The following RET variants were observed in gnomAD, a reference collection of about 807,000 sequenced individuals.
RET encodes the protein proto-oncogene tyrosine-protein kinase receptor Ret.
A neutral mutation model predicts 118.3 loss-of-function variants in RET; 19 were observed. That is an observed-to-expected ratio of 0.16 (90% CI 0.11 to 0.24). The LOEUF is 0.24. Among genes scored for constraint, RET ranks in the 10% least tolerant of loss-of-function variants. RET has a pLI of 1.00. For missense variants in RET, 1,219 were observed against 1,502.1 expected (o/e 0.81, Z 3.12); for synonymous variants, 597 against 644.1 (o/e 0.93, Z 1.11).
In RET at chr10:43,112,209, C is replaced by A. The variant is rs890269439; in HGVS notation, c.1633C>A (p.Gln545Lys). The A allele has an allele frequency of 1.3e-6, 2 of 1,556,154 alleles. No homozygotes were observed. Among genetic ancestry groups the A allele is most frequent in the Non-Finnish European group, 1.7e-6 (2 of 1,149,312 alleles). ...CCCAACAGGCAGGTGTGAGTGGAGG[C>A]AAGGAGATGGCAAAGGTAAGCCCTG... is the stretch of plus-strand genomic sequence containing the variant. The part of the protein sequence containing the change: ...GSPTGRCEWR[Q>K]GDGKGITRNF... The change falls in exon 8 of 20, where the codon CAA becomes AAA. Residue 545 changes from glutamine (Q) to lysine (K), a missense_variant. Transcript: ENST00000355710.
Position 43,122,088 on chromosome 10 carries a change from G to A in RET, c.2801+72G>A, listed in dbSNP as rs3026773. The stretch of plus-strand genomic sequence containing the variant: ...CTTATACATGTAGTGGGGCCACGAC[G>A]CCCGTCTGTGCAGCTTGGCCAGGGA... On this transcript the variant is annotated intron_variant, in intron 16 of 19. Coordinates refer to ENST00000355710, the MANE Select transcript of RET (RefSeq NM_020975.6). The A allele has an allele frequency of 4.7e-3, 5,651 of 1,189,892 alleles. 69 individuals are homozygous for A. Among genetic ancestry groups the A allele is most frequent in the Non-Finnish European group, 3.7e-3 (2,970 of 793,852 alleles). The allele number at this position is 1,189,892 out of a possible 1,614,324, so 73.7% of individuals were successfully genotyped here.
rs114631059 is a variant in RET, at chr10:43,104,726, G to T, written c.626-226G>T. ...AGTGAGGACGCAGCTGCAGCAGGAC[G>T]TAAGCACAGTCATCGCTGCAAACTG... On this transcript the variant is annotated intron_variant, in intron 3 of 19. Transcript: ENST00000355710. 1,348 of 669,710 alleles carry T rather than the reference G, an allele frequency of 2.0e-3. 17 individuals carry two copies. The African/African-American group carries it at 0.022, about 11-fold the overall frequency. The allele number at this position is 669,710 out of a possible 1,614,324, so 41.5% of individuals were successfully genotyped here. A position where few individuals can be genotyped will look rare whatever the true frequency, so the allele number is the denominator to read the frequency against.
chr10:43,093,470 A>G (rs2506024), intron 1 of RET, among the ~76,000 whole-genome samples: 58,523 of 152,070 alleles, frequency 0.38, 11,581 homozygotes, highest in South Asian at 0.51. Context: ...GCAAAGGAGT[A>G]GAGAGAGCAA....
At chr10:43,109,360 G>A in intron 6 of RET, 130 bp downstream of exon 6, 1 of 936,508 alleles carries the variant, frequency 1.1e-6, no homozygotes, top group South Asian at 1.4e-5. Context: ...CTGAGCCCAG[G>A]GCCAGGAGGT....
intron 1 of RET, among the ~76,000 whole-genome samples, chr10:43,087,927 G>A (rs1837323892): frequency 6.6e-6 from 1 of 152,200 alleles, no homozygotes; most frequent in Non-Finnish European, 1.5e-5. Context: ...CATGGTGTTG[G>A]TGTTGGTGTT....
chr10:43,110,731 G>A (rs998110011), intron 6 of RET, among the ~76,000 whole-genome samples: 1 of 152,174 alleles, frequency 6.6e-6, no homozygotes, highest in African/African-American at 2.4e-5. Flanking sequence ...CTCTGACCAG[G>A]GGACACCAGG....
intron 4 of RET, among the ~76,000 whole-genome samples, 155 bp downstream of exon 4, chr10:43,105,348 G>T (rs1036946144): frequency 4.6e-5 from 7 of 152,122 alleles, no homozygotes; most frequent in Non-Finnish European, 1.0e-4. Flanking sequence ...TCTGTCCTAG[G>T]GGGAGGGGAA....
chr10:43,101,894 G>A (rs1289293598), intron 2 of RET, among the ~76,000 whole-genome samples: 4 of 152,238 alleles, frequency 2.6e-5, no homozygotes, highest in African/African-American at 4.8e-5. Context: ...GAAAGCCCTC[G>A]CAGCCCAGCT....
At chr10:43,099,070 CCA>C (rs1837579891) in intron 1 of RET, among the ~76,000 whole-genome samples, 1 of 152,170 alleles carries the variant, frequency 6.6e-6, no homozygotes, top group African/African-American at 2.4e-5. Context: ...GAAATGTTGG[CCA>C]CACACAGTCA....
intron 10 of RET, 28 bp downstream of exon 10, chr10:43,113,703 C>T (rs1176374342): frequency 1.9e-6 from 3 of 1,611,718 alleles, no homozygotes; most frequent in East Asian, 4.5e-5. Flanking sequence ...GGGACCACCA[C>T]CACCTCCCAG....
rs111271049 is a variant in RET at position 43,090,122 on chromosome 10, T to A, written c.74-10337T>A. Among the ~76,000 whole-genome samples, 78 of 152,298 alleles carry A rather than the reference T, an allele frequency of 5.1e-4. 1 individual carries two copies. Among genetic ancestry groups the A allele is most frequent in the Middle Eastern group, 3.4e-3 (1 of 294 alleles). Reference sequence around the variant, plus strand: ...GAAAGGGAAACTGGACATGTGTGAGTAGGCCCAGGCCTGGCAAATGGCTCA... The same window carrying A: ...GAAAGGGAAACTGGACATGTGTGAGAAGGCCCAGGCCTGGCAAATGGCTCA... On this transcript the variant is annotated intron_variant, in intron 1 of 19. Transcript: ENST00000355710.
rs2132856568 is a variant in RET, at chr10:43,114,762, G to C, written c.2136+26G>C. ...GTGAGGGTCCCTGCGGGGCAGGGAA[G>C]ATCCCCTGCCCTCCCCAGCTGCCTT... On this transcript the variant is annotated intron_variant, in intron 11 of 19. Transcript: ENST00000355710. This position sits in a 1 kb window ranked among gnomAD's most constrained non-coding sequence, Gnocchi z 4.6. 1 of 1,590,798 alleles carries C rather than the reference G, an allele frequency of 6.3e-7. No homozygotes were observed. The highest frequency in any genetic ancestry group is 1.1e-5 in the South Asian group (1 of 89,408).
chr10:43,096,548 G>C (rs1486304269), intron 1 of RET, among the ~76,000 whole-genome samples: 1 of 152,166 alleles, frequency 6.6e-6, no homozygotes, highest in African/African-American at 2.4e-5. Flanking sequence ...CCTGTGCAGA[G>C]GTGCACGCCT....
rs1373899196 is a variant in RET at position 43,112,094 on chromosome 10, T to A, written c.1523-5T>A. 1 of 1,598,144 alleles carries A rather than the reference T, an allele frequency of 6.3e-7. No individual in the cohort carries two copies. The highest frequency in any genetic ancestry group is 1.1e-5 in the South Asian group (1 of 88,228). ...CCTGTGACCCTGCTTGTCTGCCACC[T>A]GCAGATGTGGCCGAGGAGGCGGGCT... On this transcript the variant is annotated splice_polypyrimidine_tract_variant and splice_region_variant and intron_variant, in intron 7 of 19. Transcript: ENST00000355710.
At chr10:43,105,978 C>T (rs531369259) in intron 4 of RET, among the ~76,000 whole-genome samples, 1 of 152,312 alleles carries the variant, frequency 6.6e-6, no homozygotes, top group East Asian at 1.9e-4. Context: ...GAGCTCGGCT[C>T]TGCCGGCTGT....
intron 19 of RET, chr10:43,127,615 T>G (rs771859787): frequency 2.3e-6 from 1 of 426,088 alleles, no homozygotes; most frequent in Non-Finnish European, 3.3e-6. Context: ...GACTCCTCAC[T>G]GGCTTTGTGT....
chr10:43,079,141 G>T (rs991550167), intron 1 of RET, among the ~76,000 whole-genome samples: 6 of 152,174 alleles, frequency 3.9e-5, no homozygotes, highest in Non-Finnish European at 8.8e-5. Context: ...GACAGGCACA[G>T]ACTGGGTCTC....
chr10:43,122,718 G>A (rs1838245628), intron 16 of RET, among the ~76,000 whole-genome samples: 1 of 152,076 alleles, frequency 6.6e-6, no homozygotes, highest in South Asian at 2.1e-4. Flanking sequence ...AGCGATTCCT[G>A]TGCCTCAGCC....
intron 1 of RET, among the ~76,000 whole-genome samples, chr10:43,099,556 A>G (rs1837591336): frequency 6.6e-6 from 1 of 151,660 alleles, no homozygotes; most frequent in Non-Finnish European, 1.5e-5. Context: ...AAATAAATAA[A>G]TAAAAATTAC....
Sources: gnomAD v4.1 joint callset for allele counts (sites outside exome capture counted in the v4.1 genomes callset) on GRCh38, gnomAD v4.1.1 for gene constraint, Gnocchi (gnomAD v3.1) non-coding constraint, MANE v1.5 for transcripts, NCBI Gene and HGNC (gene_info 2026-07-23, HGNC 2026-07-21) for gene names.